Variants in WFDC11 observed in about 807,000 individuals in gnomAD.
WFDC11 encodes the protein protein WFDC11.
A neutral mutation model predicts 9.9 loss-of-function variants in WFDC11; 9 were observed. The observed-to-expected ratio is 0.91, with a 90% CI of 0.55 to 1.58. WFDC11 has a LOEUF of 1.58. Among genes scored for constraint, WFDC11 ranks in the 40% most tolerant of loss-of-function variants. The probability of loss-of-function intolerance (pLI) is 0.00; values close to 1 mark genes in which losing one functional copy is unlikely to be tolerated. For missense variants in WFDC11, 106 were observed against 101.7 expected, an observed-to-expected ratio of 1.04 and a Z score of -0.18; for synonymous variants, 32 against 33.3, an observed-to-expected ratio of 0.96 and a Z score of 0.13.
rs191290592 is a variant in WFDC11, at chr20:45,651,524, C to T, written c.-51-873G>A. 2.2e-4 allele frequency among the ~76,000 whole-genome samples: 34 copies of T among 152,262 alleles called. 1 individual carries two copies. Among genetic ancestry groups the T allele is most frequent in the Admixed American group, 2.6e-4 (4 of 15,296 alleles). ...TCCAGTCTACAGCTCCCAGCGTGAG[C>T]GACACAGAAGACAGGTGATTTCTGC... On this transcript the variant is annotated intron_variant, in intron 2 of 4. Coordinates refer to ENST00000324384, the MANE Select transcript of WFDC11 (RefSeq NM_147197.2).
At chr20:45,650,884 C>G (rs772101531) in intron 2 of WFDC11, among the ~76,000 whole-genome samples, 1 of 152,180 alleles carries the variant, frequency 6.6e-6, no homozygotes, top group Non-Finnish European at 1.5e-5. Flanking sequence ...TTGATTAAAA[C>G]ATAATTCAAA....
chr20:45,652,694 C>T (rs140038463), intron 2 of WFDC11, among the ~76,000 whole-genome samples: 271 of 152,134 alleles, frequency 1.8e-3, no homozygotes, highest in African/African-American at 6.0e-3. Flanking sequence ...AAAAATTAGA[C>T]GAATGGCCAA....
chr20:45,650,440 C>T, intron 3 of WFDC11, 61 bp downstream of exon 3: 1 of 1,382,278 alleles, frequency 7.2e-7, no homozygotes, highest in East Asian at 2.3e-5. Flanking sequence ...GAAACCCCCT[C>T]CCTTGTTCAG....
intron 2 of WFDC11, among the ~76,000 whole-genome samples, chr20:45,662,020 T>A (rs1010971321): frequency 6.6e-6 from 1 of 152,204 alleles, no homozygotes; most frequent in African/African-American, 2.4e-5. Flanking sequence ...GTATGGCCAT[T>A]TTCATGATAT....
chr20:45,665,591 AT>A (rs1983170828), intron 2 of WFDC11, among the ~76,000 whole-genome samples: 1 of 152,110 alleles, frequency 6.6e-6, no homozygotes, highest in Non-Finnish European at 1.5e-5. Flanking sequence ...TGACCTACAG[AT>A]GGGGTTTTGG....
rs145826671 is a variant in WFDC11, at chr20:45,665,796, C to T, written c.-52+1292G>A. 1.5e-3 allele frequency among the ~76,000 whole-genome samples: 226 copies of T among 152,274 alleles called. 5 individuals carry two copies. In the East Asian group the frequency reaches 0.033, roughly 22 times the overall value. On this transcript the variant is annotated intron_variant, in intron 2 of 4. Transcript: ENST00000324384. ...TGCCTGATCCTTCCTCTGGAAGCTT[C>T]GTCCCAGAGGGGCACTTGGCCATAT...
At chr20:45,664,282 G>T (rs2200587) in intron 2 of WFDC11, among the ~76,000 whole-genome samples, 90,405 of 151,780 alleles carry the variant, frequency 0.6, 27,921 homozygotes, top group East Asian at 0.98. Flanking sequence ...TAGTAGATCG[G>T]CCTCCATCCC....
intron 3 of WFDC11, 27 bp from the exon 4 acceptor site, chr20:45,649,426 G>T: frequency 6.2e-7 from 1 of 1,610,980 alleles, no homozygotes. Context: ...ATGGTCAAAG[G>T]TTGATGGTAT....
At chr20:45,661,054 T>A (rs912596637) in intron 2 of WFDC11, among the ~76,000 whole-genome samples, 4 of 152,196 alleles carry the variant, frequency 2.6e-5, no homozygotes, top group African/African-American at 4.8e-5. Context: ...GTGTTCCTAT[T>A]TCTCCACATC....
chr20:45,649,119 G>T, intron 4 of WFDC11, 138 bp downstream of exon 4: 1 of 1,072,078 alleles, frequency 9.3e-7, no homozygotes, highest in Non-Finnish European at 1.4e-6. Flanking sequence ...TGCTTTCCAA[G>T]TTAAAGGGAC....
chr20:45,648,877 T>C, intron 4 of WFDC11, 138 bp from the exon 5 acceptor site: 1 of 967,512 alleles, frequency 1.0e-6, no homozygotes. Flanking sequence ...AGTTGTCCAC[T>C]TCTGAGTAGG....
At chr20:45,662,720 G>A (rs916921067) in intron 2 of WFDC11, among the ~76,000 whole-genome samples, 10 of 152,296 alleles carry the variant, frequency 6.6e-5, no homozygotes, top group South Asian at 4.1e-4. Context: ...GATGGATTAC[G>A]TTTATTGATT....
At position 45,648,723 on chromosome 20, in the gene WFDC11, T is replaced by G; in HGVS notation, c.260A>C (p.Tyr87Ser). ...CWINVETSGD[Y>S] ...GCCTGGTGGGAAGCTACGGTTTTAG[T>G]AATCTCCACTGGTTTCCTGTAAAAC... The change falls in exon 5 of 5, where the codon TAC (tyrosine) becomes TCC (serine). Residue 87 changes from tyrosine to serine, a missense_variant. Transcript: ENST00000324384. 1 of 1,614,178 alleles carries G rather than the reference T, an allele frequency of 6.2e-7. No homozygotes were observed. Among genetic ancestry groups the G allele is most frequent in the Non-Finnish European group, 8.5e-7 (1 of 1,179,994 alleles).
chr20:45,662,994 G>A (rs770741246), intron 2 of WFDC11, among the ~76,000 whole-genome samples: 48 of 152,300 alleles, frequency 3.2e-4, no homozygotes, highest in African/African-American at 1.1e-3. Context: ...CAGAAGGAAC[G>A]GTACCAGCTC....
rs148705930 is a variant in WFDC11 at position 45,662,597 on chromosome 20, A to G, written c.-52+4491T>C. Among the ~76,000 whole-genome samples the G allele has an allele frequency of 1.5e-4, 23 of 152,344 alleles. No individual in the cohort carries two copies. The East Asian group carries it at 4.4e-3, about 29-fold the overall frequency. On this transcript the variant is annotated intron_variant, in intron 2 of 4. Transcript: ENST00000324384. ...TATTATTTTGAGATACGTCCCATCA[A>G]TAGCAAATTTATTAAAAGTTTTTAG...
At chr20:45,654,325 A>G (rs1370516904) in intron 2 of WFDC11, among the ~76,000 whole-genome samples, 2 of 152,254 alleles carry the variant, frequency 1.3e-5, no homozygotes. Context: ...CTGCTCCTGA[A>G]TGACTACTGG....
chr20:45,665,443 C>A lies in WFDC11; in HGVS notation c.-52+1645G>T, dbSNP rs548843289. Among the ~76,000 whole-genome samples the A allele has an allele frequency of 1.9e-3, 285 of 152,270 alleles. 2 individuals carry two copies. Among genetic ancestry groups the A allele is most frequent in the Non-Finnish European group, 2.9e-3 (194 of 68,022 alleles). On this transcript the variant is annotated intron_variant, in intron 2 of 4. Coordinates refer to ENST00000324384, the MANE Select transcript of WFDC11 (RefSeq NM_147197.2). ...CAACTCATCAAAGTCATTCTCTGTCCAGCTTTGTTCCATTGCTGCCGAGGA... is the reference window on the plus strand; with the variant it reads ...CAACTCATCAAAGTCATTCTCTGTCAAGCTTTGTTCCATTGCTGCCGAGGA...
chr20:45,664,578 A>G (rs569512312), intron 2 of WFDC11, among the ~76,000 whole-genome samples: 1 of 152,288 alleles, frequency 6.6e-6, no homozygotes, highest in African/African-American at 2.4e-5. Context: ...TTCTACGTTT[A>G]GTGCTTCCTT....
rs151330278 is a variant in WFDC11 at position 45,649,883 on chromosome 20, CA to C, written c.101-485del. On this transcript the variant is annotated intron_variant, in intron 3 of 4. Transcript: ENST00000324384. ...CTTGCTGACTCTGTGTTTAATAACT[CA>C]GCCTCTCTTCAAATTCTTATCTCTC... Among the ~76,000 whole-genome samples the C allele has an allele frequency of 1.8e-3, 273 of 152,216 alleles. 1 individual carries two copies. Among genetic ancestry groups the C allele is most frequent in the African/African-American group, 6.3e-3 (261 of 41,542 alleles).
Sources: allele counts gnomAD v4.1 joint callset (sites outside exome capture counted in the v4.1 genomes callset), GRCh38; gene constraint gnomAD v4.1.1; transcripts MANE v1.5; gene names NCBI Gene and HGNC (gene_info 2026-07-23, HGNC 2026-07-21).